PDZRN3: variants seen among roughly 807,000 people sequenced by gnomAD.
PDZRN3 encodes the protein E3 ubiquitin-protein ligase PDZRN3.
In PDZRN3, 38 loss-of-function variants were observed where a neutral mutation model predicts 85.7. The observed-to-expected ratio is 0.44, with a 90% confidence interval of 0.34 to 0.58. The LOEUF is 0.58. Ranked by LOEUF, PDZRN3 falls within the 20% of genes least tolerant of loss-of-function variation. PDZRN3 has a pLI of 0.01. For missense variants in PDZRN3, 1,629 were observed against 1,506.4 expected (o/e 1.08, Z -1.35); for synonymous variants, 759 against 638.0 (o/e 1.19, Z -2.86).
intron 3 of PDZRN3, among the ~76,000 whole-genome samples, chr3:73,559,140 C>T (rs1365937323): frequency 6.6e-6 from 1 of 152,176 alleles, no homozygotes; most frequent in Non-Finnish European, 1.5e-5. Context: ...GGGGTTGTCA[C>T]AACCTTTCTC....
At chr3:73,460,415 C>T (rs1703079971) in intron 3 of PDZRN3, among the ~76,000 whole-genome samples, 1 of 152,192 alleles carries the variant, frequency 6.6e-6, no homozygotes, top group Non-Finnish European at 1.5e-5. Flanking sequence ...AATCAGCAAG[C>T]CCAGTGGCCC....
At chr3:73,609,907 T>C (rs934150518) in intron 1 of PDZRN3, among the ~76,000 whole-genome samples, 3 of 152,228 alleles carry the variant, frequency 2.0e-5, no homozygotes, top group Non-Finnish European at 4.4e-5. Context: ...TTTATTGCTA[T>C]GGCTGTCAAT....
At chr3:73,448,285 C>T (rs1435802598) in intron 3 of PDZRN3, among the ~76,000 whole-genome samples, 1 of 152,230 alleles carries the variant, frequency 6.6e-6, no homozygotes, top group Non-Finnish European at 1.5e-5. Context: ...GTTGTGAAGA[C>T]TAATGAGAAA....
intron 3 of PDZRN3, among the ~76,000 whole-genome samples, chr3:73,586,826 C>T (rs1427320137): frequency 6.6e-6 from 1 of 152,216 alleles, no homozygotes; most frequent in African/African-American, 2.4e-5. Flanking sequence ...CCTCCAAAGG[C>T]TGGAGCTATG....
chr3:73,456,751 T>C (rs1163698392), intron 3 of PDZRN3, among the ~76,000 whole-genome samples: 1 of 152,216 alleles, frequency 6.6e-6, no homozygotes, highest in African/African-American at 2.4e-5. Flanking sequence ...TTTTGTTTCC[T>C]GGACCAACGT....
intron 3 of PDZRN3, among the ~76,000 whole-genome samples, chr3:73,416,521 G>A (rs1702085039): frequency 6.6e-6 from 1 of 151,886 alleles, no homozygotes; most frequent in Admixed American, 6.6e-5. Flanking sequence ...ACATGTGGAT[G>A]TTGAGGACAC....
In PDZRN3 at chr3:73,484,030, G is replaced by A. The variant is rs938408709; in HGVS notation, c.919-79635C>T. Among the ~76,000 whole-genome samples, 55 of 152,180 alleles carry A rather than the reference G, an allele frequency of 3.6e-4. 1 individual carries two copies. The highest frequency in any genetic ancestry group is 3.1e-3 in the Admixed American group (48 of 15,288). ...GGAAGGAAGAAAAAAGTGGAGGGAC[G>A]TAGAATCTATGGAAGGAGGTATAAC... On this transcript the variant is annotated intron_variant, in intron 3 of 9. Coordinates refer to ENST00000263666, the MANE Select transcript of PDZRN3 (RefSeq NM_015009.3).
chr3:73,489,776 T>C (rs889608410), intron 3 of PDZRN3, among the ~76,000 whole-genome samples: 3 of 151,980 alleles, frequency 2.0e-5, no homozygotes, highest in African/African-American at 7.2e-5. Context: ...TTTCATCAGT[T>C]GGCCAGGCTG....
intron 3 of PDZRN3, among the ~76,000 whole-genome samples, chr3:73,479,331 C>T (rs9861503): frequency 0.38 from 57,609 of 151,828 alleles, 11,475 homozygotes; most frequent in Non-Finnish European, 0.45. Flanking sequence ...AGAATATGAC[C>T]ACAAGGGTCT....
chr3:73,452,211 C>T (rs1023173265), intron 3 of PDZRN3, among the ~76,000 whole-genome samples: 1 of 151,976 alleles, frequency 6.6e-6, no homozygotes, highest in Admixed American at 6.5e-5. Context: ...GATAGACGCT[C>T]TCAGGGTGGA....
At chr3:73,412,310 C>T (rs1195902717) in intron 3 of PDZRN3, among the ~76,000 whole-genome samples, 1 of 152,140 alleles carries the variant, frequency 6.6e-6, no homozygotes, top group Non-Finnish European at 1.5e-5. Flanking sequence ...CTTGAATAAA[C>T]TTGAATTTGT....
chr3:73,454,216 G>A (rs1012395939), intron 3 of PDZRN3, among the ~76,000 whole-genome samples: 2 of 152,114 alleles, frequency 1.3e-5, no homozygotes, highest in Non-Finnish European at 2.9e-5. Context: ...TCCCACACAT[G>A]GCAGAAATAA....
At chr3:73,491,902 A>T (rs923055254) in intron 3 of PDZRN3, among the ~76,000 whole-genome samples, 1 of 152,078 alleles carries the variant, frequency 6.6e-6, no homozygotes, top group African/African-American at 2.4e-5. Flanking sequence ...TGAAGCCAGA[A>T]GGTTCTTGAT....
intron 3 of PDZRN3, among the ~76,000 whole-genome samples, chr3:73,456,603 T>A (rs1702982521): frequency 6.6e-6 from 1 of 152,186 alleles, no homozygotes; most frequent in African/African-American, 2.4e-5. Context: ...CCCTGAAGAA[T>A]AAAATGACTG....
rs1279943158 is a variant in PDZRN3, at chr3:73,590,278, A to AAG, written c.918+12075_918+12076insCT. The stretch of plus-strand genomic sequence containing the variant: ...AGCAAGACTCTGTCTCAAAAAAAAA[A>AAG]AAAAAAAAGAAAGAGAATGAAAAAA... On this transcript the variant is annotated intron_variant, in intron 3 of 9. Coordinates refer to ENST00000263666, the MANE Select transcript of PDZRN3 (RefSeq NM_015009.3). Among the ~76,000 whole-genome samples, 6 of 151,674 alleles carry AAG rather than the reference A, an allele frequency of 4.0e-5. No individual in the cohort carries two copies. In the East Asian group the frequency reaches 7.7e-4, roughly 20 times the overall value.
At chr3:73,452,023 TAAGCAATA>T (rs1397176210) in intron 3 of PDZRN3, among the ~76,000 whole-genome samples, 2 of 152,216 alleles carry the variant, frequency 1.3e-5, no homozygotes, top group African/African-American at 4.8e-5. Flanking sequence ...CTAATGTGGG[TAAGCAATA>T]ACCTGCTATG....
At chr3:73,441,696 C>A (rs1470949491) in intron 3 of PDZRN3, among the ~76,000 whole-genome samples, 1 of 152,186 alleles carries the variant, frequency 6.6e-6, no homozygotes, top group African/African-American at 2.4e-5. Context: ...AACCCCAAAG[C>A]AAGTAAGACC....
At chr3:73,505,056 T>C (rs980748073) in intron 3 of PDZRN3, among the ~76,000 whole-genome samples, 2 of 152,188 alleles carry the variant, frequency 1.3e-5, no homozygotes, top group African/African-American at 4.8e-5. Flanking sequence ...AGTTTTTTAT[T>C]TATAGCCAAA....
chr3:73,387,701 A>G (rs1252508468), intron 8 of PDZRN3, among the ~76,000 whole-genome samples: 1 of 152,108 alleles, frequency 6.6e-6, no homozygotes, highest in Non-Finnish European at 1.5e-5. Flanking sequence ...TGTGTTTTCC[A>G]TTCAATTCTG....
Sources: gnomAD v4.1 joint callset for allele counts (sites outside exome capture counted in the v4.1 genomes callset) on GRCh38, gnomAD v4.1.1 for gene constraint, MANE v1.5 for transcripts, NCBI Gene and HGNC (gene_info 2026-07-23, HGNC 2026-07-21) for gene names.